CNTN5: variants seen among roughly 807,000 people sequenced by gnomAD.
CNTN5 encodes the protein contactin 5.
A neutral mutation model predicts 129.1 loss-of-function variants in CNTN5; 77 were observed. The ratio of observed to expected loss-of-function variants is 0.60; its 90% CI spans 0.50 to 0.72. CNTN5 has a LOEUF of 0.72. Ranked by LOEUF, CNTN5 falls within the 30% of genes least tolerant of loss-of-function variation. The probability of loss-of-function intolerance (pLI) is 0.00; values close to 1 mark genes in which losing one functional copy is unlikely to be tolerated. For missense variants in CNTN5, 1,478 were observed against 1,328.8 expected, an observed-to-expected ratio of 1.11 and a Z score of -1.75; for synonymous variants, 509 against 465.6, an observed-to-expected ratio of 1.09 and a Z score of -1.20.
intron 18 of CNTN5, among the ~76,000 whole-genome samples, chr11:100,281,037 C>T (rs1378464491): frequency 6.6e-6 from 1 of 151,964 alleles, no homozygotes; most frequent in Non-Finnish European, 1.5e-5. Context: ...TCTTATTGTA[C>T]TGTCTATGTA....
At chr11:99,144,447 C>A (rs568335794) in intron 1 of CNTN5, among the ~76,000 whole-genome samples, 2 of 152,068 alleles carry the variant, frequency 1.3e-5, no homozygotes, top group African/African-American at 4.8e-5. Flanking sequence ...ATCCATATCA[C>A]ATAAGGAAAA....
intron 9 of CNTN5, among the ~76,000 whole-genome samples, chr11:100,029,596 A>G (rs1170021936): frequency 6.6e-6 from 1 of 152,114 alleles, no homozygotes; most frequent in Non-Finnish European, 1.5e-5. Context: ...AAAAGAAAAA[A>G]CATGCTAATA....
intron 6 of CNTN5, among the ~76,000 whole-genome samples, chr11:99,896,610 A>C (rs2135932839): frequency 6.6e-6 from 1 of 152,266 alleles, no homozygotes; most frequent in African/African-American, 2.4e-5. Flanking sequence ...TTCCTCTAAG[A>C]GCCCAGTTTC....
chr11:99,490,216 T>C (rs1394457), intron 2 of CNTN5, among the ~76,000 whole-genome samples: 72,075 of 152,022 alleles, frequency 0.47, 17,697 homozygotes, highest in Middle Eastern at 0.59. Flanking sequence ...AAGTGCTAAA[T>C]TTGACAATTA....
chr11:99,338,919 G>GATATATATATAT (rs10534485), intron 2 of CNTN5, among the ~76,000 whole-genome samples: 1,278 of 126,848 alleles, frequency 0.01, 23 homozygotes, highest in East Asian at 0.062. Flanking sequence ...TTCATTCACA[G>GATATATATATAT]ATATATATAT....
At chr11:99,714,036 T>A (rs11221092) in intron 3 of CNTN5, among the ~76,000 whole-genome samples, 11,095 of 151,882 alleles carry the variant, frequency 0.073, 439 homozygotes, top group Admixed American at 0.12. Flanking sequence ...TATAGCTCTT[T>A]GGGGACTTGT....
At chr11:99,551,009 T>C in intron 2 of CNTN5, among the ~76,000 whole-genome samples, 1 of 152,142 alleles carries the variant, frequency 6.6e-6, no homozygotes, top group Non-Finnish European at 1.5e-5. Flanking sequence ...AATGCTATAA[T>C]GTACGTATGA....
intron 4 of CNTN5, among the ~76,000 whole-genome samples, chr11:99,824,746 T>C (rs889156085): frequency 3.9e-5 from 6 of 152,024 alleles, no homozygotes; most frequent in Non-Finnish European, 7.4e-5. Context: ...TTTTTGTATG[T>C]AATATGAAGT....
At chr11:99,868,783 G>A (rs990753013) in intron 6 of CNTN5, among the ~76,000 whole-genome samples, 4 of 152,158 alleles carry the variant, frequency 2.6e-5, no homozygotes, top group African/African-American at 9.7e-5. Flanking sequence ...GGAAAAATGA[G>A]GGCGTTTTAG....
chr11:100,209,635 T>C (rs1021138741), intron 15 of CNTN5, among the ~76,000 whole-genome samples: 3 of 152,334 alleles, frequency 2.0e-5, no homozygotes, highest in African/African-American at 7.2e-5. Context: ...TCATAATATT[T>C]GCTACCTCAT....
In CNTN5 at chr11:99,842,137, C is replaced by T. The variant is rs574269356; in HGVS notation, c.278-2715C>T. Among the ~76,000 whole-genome samples, 40 of 152,170 alleles carry T rather than the reference C, an allele frequency of 2.6e-4. 1 individual carries two copies. The highest frequency in any genetic ancestry group is 2.4e-3 in the Admixed American group (37 of 15,276). On this transcript the variant is annotated intron_variant, in intron 4 of 24. Coordinates refer to ENST00000524871, the MANE Select transcript of CNTN5 (RefSeq NM_014361.4). ...CTCAAACTACTGACCTCAGATGATG[C>T]ACCCACCTCAGCCTCCCAAAGTGGT...
At chr11:99,315,165 T>C (rs1213886519) in intron 1 of CNTN5, among the ~76,000 whole-genome samples, 2 of 149,430 alleles carry the variant, frequency 1.3e-5, no homozygotes, top group African/African-American at 2.4e-5. Flanking sequence ...TTGGTCTGGC[T>C]AGTAGTTCAC....
At chr11:99,760,973 T>G (rs1944560219) in intron 3 of CNTN5, among the ~76,000 whole-genome samples, 1 of 152,142 alleles carries the variant, frequency 6.6e-6, no homozygotes, top group Admixed American at 6.6e-5. Flanking sequence ...GGTTATTTGT[T>G]TTATTGTAAA....
intron 1 of CNTN5, among the ~76,000 whole-genome samples, chr11:99,157,204 CAAG>C: frequency 6.6e-6 from 1 of 151,860 alleles, no homozygotes; most frequent in Non-Finnish European, 1.5e-5. Flanking sequence ...GGTGCACCTT[CAAG>C]ATAGAGAAGT....
At chr11:99,816,171 C>T (rs910932768) in intron 3 of CNTN5, among the ~76,000 whole-genome samples, 3 of 152,166 alleles carry the variant, frequency 2.0e-5, no homozygotes, top group Admixed American at 6.6e-5. Context: ...CACTTTGTGA[C>T]ATTCCACTTT....
intron 3 of CNTN5, among the ~76,000 whole-genome samples, chr11:99,706,132 C>T (rs1260545841): frequency 6.6e-6 from 1 of 151,234 alleles, no homozygotes; most frequent in East Asian, 2.0e-4. Context: ...GTGGCTAGTG[C>T]TGCTATCAAT....
chr11:99,746,003 C>T (rs2135187973), intron 3 of CNTN5, among the ~76,000 whole-genome samples: 1 of 152,236 alleles, frequency 6.6e-6, no homozygotes, highest in East Asian at 1.9e-4. Flanking sequence ...AAAAAAGTAA[C>T]ACTAAAAGGA....
intron 3 of CNTN5, among the ~76,000 whole-genome samples, chr11:99,570,011 A>G (rs1949127118): frequency 6.6e-6 from 1 of 152,152 alleles, no homozygotes; most frequent in Non-Finnish European, 1.5e-5. Flanking sequence ...AGAAAAAAAC[A>G]AAGAAGGTAA....
chr11:100,062,652 A>G (rs1943530811), intron 10 of CNTN5, among the ~76,000 whole-genome samples: 1 of 152,168 alleles, frequency 6.6e-6, no homozygotes, highest in Non-Finnish European at 1.5e-5. Flanking sequence ...TACTCAGAGG[A>G]GTCAGGAAAA....
Sources: gnomAD v4.1 joint callset for allele counts (sites outside exome capture counted in the v4.1 genomes callset) on GRCh38, gnomAD v4.1.1 for gene constraint, MANE v1.5 for transcripts, NCBI Gene and HGNC (gene_info 2026-07-23, HGNC 2026-07-21) for gene names.